PPP2R5C: variants seen among roughly 807,000 people sequenced by gnomAD.
PPP2R5C encodes protein phosphatase 2 regulatory subunit B'gamma, also known as serine/threonine-protein phosphatase 2A 56 kDa regulatory subunit gamma isoform.
In PPP2R5C, 7 loss-of-function variants were observed where a neutral mutation model predicts 68.9. That is an observed-to-expected ratio of 0.10 (90% confidence interval 0.06 to 0.19). PPP2R5C has a LOEUF of 0.19. Ranked by LOEUF, PPP2R5C falls within the 10% of genes least tolerant of loss-of-function variation. The probability of loss-of-function intolerance (pLI) is 1.00; values close to 1 mark genes in which losing one functional copy is unlikely to be tolerated. For missense variants in PPP2R5C, 348 were observed against 641.3 expected (o/e 0.54, Z 4.94); for synonymous variants, 210 against 222.2 (o/e 0.95, Z 0.49).
chr14:101,830,546 C>CA (rs1325369956), intron 1 of PPP2R5C, among the ~76,000 whole-genome samples: 1 of 152,208 alleles, frequency 6.6e-6, no homozygotes, highest in Non-Finnish European at 1.5e-5. Context: ...AGCAGGTCCA[C>CA]AGCCTGCACC....
chr14:101,787,624 A>G (rs191029424), intron 3 of PPP2R5C, among the ~76,000 whole-genome samples: 78 of 151,948 alleles, frequency 5.1e-4, no homozygotes, highest in East Asian at 4.7e-3. Flanking sequence ...AAAATTAGCC[A>G]GGCGTGGTGG....
chr14:101,875,855 G>A lies in PPP2R5C; in HGVS notation c.295-6306G>A, dbSNP rs758019095. 2.2e-4 allele frequency among the ~76,000 whole-genome samples: 34 copies of A among 152,228 alleles called. No homozygotes were observed. The Middle Eastern group carries it at 0.014, about 61-fold the overall frequency. ...CTCATTCCACATCAAAGGTTCCTCC[G>A]TTTTTTCGGGCATTCTTCAGTGCCT... On this transcript the variant is annotated intron_variant, in intron 2 of 13. Transcript: ENST00000334743.
chr14:101,799,636 G>A (rs1037919515), intron 3 of PPP2R5C, among the ~76,000 whole-genome samples: 47 of 152,306 alleles, frequency 3.1e-4, no homozygotes, highest in African/African-American at 1.1e-3. Flanking sequence ...AAAGTACTCT[G>A]GAGACCCAGT....
At chr14:101,854,899 T>C (rs1236817396) in intron 1 of PPP2R5C, among the ~76,000 whole-genome samples, 1 of 152,180 alleles carries the variant, frequency 6.6e-6, no homozygotes, top group Non-Finnish European at 1.5e-5. Flanking sequence ...GCCAGGCGCA[T>C]TGGCTCACAC....
At chr14:101,779,703 C>A (rs2037584767) in intron 2 of PPP2R5C, among the ~76,000 whole-genome samples, 1 of 152,116 alleles carries the variant, frequency 6.6e-6, no homozygotes, top group Non-Finnish European at 1.5e-5. Context: ...CTTTCTCCCG[C>A]AGGCAGTGGG....
In PPP2R5C at chr14:101,790,382, G is replaced by C. The variant is rs1172750467; in HGVS notation, c.259+4199G>C. The stretch of plus-strand genomic sequence containing the variant: ...ATTCTGTTTTAGAATGTTTCCATCT[G>C]CCTCCAAAAGTTACCTCGTGCCATT... On this transcript the variant is annotated intron_variant, in intron 3 of 14. Transcript: ENST00000328724. Among the ~76,000 whole-genome samples, 10 of 152,160 alleles carry C rather than the reference G, an allele frequency of 6.6e-5. 1 individual carries two copies. Among genetic ancestry groups the C allele is most frequent in the Admixed American group, 5.2e-4 (8 of 15,284 alleles).
chr14:101,870,247 G>A (rs983612664), intron 2 of PPP2R5C, among the ~76,000 whole-genome samples: 1 of 151,808 alleles, frequency 6.6e-6, no homozygotes, highest in Non-Finnish European at 1.5e-5. Context: ...TTTATCAGTA[G>A]TGCTTTTGGT....
At chr14:101,887,568 G>C (rs2044609464) in intron 5 of PPP2R5C, among the ~76,000 whole-genome samples, 1 of 152,182 alleles carries the variant, frequency 6.6e-6, no homozygotes, top group East Asian at 1.9e-4. Context: ...TGCTGAGCAG[G>C]TCCCCACGCT....
Position 101,892,988 on chromosome 14 carries a change from T to G in PPP2R5C, c.690-12T>G. On this transcript the variant is annotated splice_polypyrimidine_tract_variant and intron_variant, in intron 6 of 13. Transcript: ENST00000334743. Reference sequence around the variant, plus strand: ...CGTAAATGTTCAAACCTAATAAATGTTCTTTTTACAGTATAATTAATGGAT... The same window carrying G: ...CGTAAATGTTCAAACCTAATAAATGGTCTTTTTACAGTATAATTAATGGAT... 1 of 1,511,832 alleles carries G rather than the reference T, an allele frequency of 6.6e-7. No homozygotes were observed. The highest frequency in any genetic ancestry group is 9.2e-7 in the Non-Finnish European group (1 of 1,092,242). The allele number at this position is 1,511,832 out of a possible 1,614,324, so 93.7% of individuals were successfully genotyped here.
upstream of PPP2R5C, among the ~76,000 whole-genome samples, chr14:101,809,472 G>C (rs1659411740): frequency 6.7e-6 from 1 of 150,180 alleles, no homozygotes. Context: ...CTAGCAAGTC[G>C]AAGTTGCACA....
chr14:101,760,676 G>GT (rs147865020), upstream of PPP2R5C: 59,721 of 954,044 alleles, frequency 0.063, 2,211 homozygotes, highest in East Asian at 0.13. Context: ...GGGAGGGGCG[G>GT]GCTGTCGGAT....
At chr14:101,791,702 G>A (rs1484594719) in intron 3 of PPP2R5C, among the ~76,000 whole-genome samples, 1 of 150,326 alleles carries the variant, frequency 6.7e-6, no homozygotes, top group Non-Finnish European at 1.5e-5. Context: ...TTTTCAGTCT[G>A]CAGTGCCATT....
At chr14:101,883,814 G>A (rs932605011) in intron 5 of PPP2R5C, among the ~76,000 whole-genome samples, 4 of 152,112 alleles carry the variant, frequency 2.6e-5, no homozygotes, top group Non-Finnish European at 4.4e-5. Flanking sequence ...GCCTCATCCT[G>A]GGTCCCTCCA....
rs2043871951 is a variant in PPP2R5C, at chr14:101,877,681, A to T, written c.295-4480A>T. ...AATGTTGCTAGGTCAGAAACCCAAG[A>T]AGAATTTGAGGTGATAGACCGTTGG... is the stretch of plus-strand genomic sequence containing the variant. On this transcript the variant is annotated intron_variant, in intron 2 of 13. Coordinates refer to ENST00000334743, the Ensembl canonical transcript of PPP2R5C. The surrounding 1 kb of genome is among the most constrained non-coding windows in gnomAD (Gnocchi z 4.2). Among the ~76,000 whole-genome samples the T allele has an allele frequency of 6.6e-6, 1 of 152,036 alleles. No homozygotes were observed. The highest frequency in any genetic ancestry group is 2.4e-5 in the African/African-American group (1 of 41,396).
chr14:101,853,511 A>G (rs772894285), intron 1 of PPP2R5C, among the ~76,000 whole-genome samples: 1 of 152,200 alleles, frequency 6.6e-6, no homozygotes, highest in Non-Finnish European at 1.5e-5. Context: ...TTGTGTTTGA[A>G]TGACAACTTA....
intron 1 of PPP2R5C, among the ~76,000 whole-genome samples, chr14:101,856,358 G>A (rs190769150): frequency 1.0e-3 from 155 of 152,238 alleles, no homozygotes; most frequent in African/African-American, 3.6e-3. Flanking sequence ...TCCACTGCCC[G>A]ACACGGTGCC....
At chr14:101,923,349 AAT>A (rs2047116488) in intron 13 of PPP2R5C, among the ~76,000 whole-genome samples, 1 of 152,200 alleles carries the variant, frequency 6.6e-6, no homozygotes. Flanking sequence ...TTTTTCTATG[AAT>A]ATGTTTCTTC....
rs1472476278 is a variant in PPP2R5C at position 101,812,877 on chromosome 14, A to G, written c.94+2841A>G. On this transcript the variant is annotated intron_variant, in intron 1 of 13. Coordinates refer to ENST00000334743, the Ensembl canonical transcript of PPP2R5C. Reference sequence around the variant, plus strand: ...ATTTGTTGTCACGATCGCTTTGACCATTATTGTCTACCAAGTAGTCTGGAC... The same window carrying G: ...ATTTGTTGTCACGATCGCTTTGACCGTTATTGTCTACCAAGTAGTCTGGAC... Among the ~76,000 whole-genome samples, 6 of 152,340 alleles carry G rather than the reference A, an allele frequency of 3.9e-5. No individual in the cohort carries two copies. In the East Asian group the frequency reaches 1.2e-3, roughly 29 times the overall value.
At chr14:101,827,800 G>A (rs768958623) in intron 1 of PPP2R5C, among the ~76,000 whole-genome samples, 150 of 152,286 alleles carry the variant, frequency 9.8e-4, no homozygotes, top group Non-Finnish European at 1.6e-3. Flanking sequence ...TGTCAAAGGC[G>A]AAAATAAGGG....
Sources: gnomAD v4.1 joint callset for allele counts (sites outside exome capture counted in the v4.1 genomes callset) on GRCh38, gnomAD v4.1.1 for gene constraint, Gnocchi (gnomAD v3.1) non-coding constraint, MANE v1.5 for transcripts, NCBI Gene and HGNC (gene_info 2026-07-23, HGNC 2026-07-21) for gene names.